The following ABLIM2 variants were observed in gnomAD, a reference collection of about 807,000 sequenced individuals.
The protein encoded by ABLIM2 is actin binding LIM protein family member 2.
Under a neutral mutation model 97.7 loss-of-function variants are expected in ABLIM2, and 53 were observed. That is an observed-to-expected ratio of 0.54 (90% CI 0.44 to 0.68). ABLIM2 has a LOEUF of 0.68. Among genes scored for constraint, ABLIM2 ranks in the 30% least tolerant of loss-of-function variants. The pLI is 0.00. For synonymous variants in ABLIM2, 361 were observed against 345.8 expected (o/e 1.04, Z -0.49); for missense variants, 835 against 867.2 (o/e 0.96, Z 0.47).
At chr4:8,107,481 G>C (rs3942364) in intron 1 of ABLIM2, among the ~76,000 whole-genome samples, 30,198 of 152,216 alleles carry the variant, frequency 0.2, 3,289 homozygotes, top group Non-Finnish European at 0.23. Flanking sequence ...TTGAGGAGGA[G>C]TTGGTAGATG....
chr4:8,093,186 A>T (rs1411910217), intron 3 of ABLIM2, among the ~76,000 whole-genome samples: 5 of 152,296 alleles, frequency 3.3e-5, no homozygotes, highest in Admixed American at 1.3e-4. Flanking sequence ...GGGTCTTATT[A>T]TTATTGAGTT....
chr4:8,119,475 G>A (rs985568344), intron 1 of ABLIM2, among the ~76,000 whole-genome samples: 1 of 151,846 alleles, frequency 6.6e-6, no homozygotes, highest in East Asian at 1.9e-4. Context: ...TTATAGGTGC[G>A]TGCCACCACA....
chr4:8,036,120 G>A (rs761669161), intron 10 of ABLIM2, 29 bp downstream of exon 10: 6 of 1,611,464 alleles, frequency 3.7e-6, no homozygotes, highest in Non-Finnish European at 4.2e-6. Flanking sequence ...GGACACAGGT[G>A]TCCAGGGCCA....
intron 2 of ABLIM2, among the ~76,000 whole-genome samples, chr4:8,099,675 C>T (rs1413041246): frequency 6.6e-6 from 1 of 152,134 alleles, no homozygotes; most frequent in Non-Finnish European, 1.5e-5. Flanking sequence ...GAAACCCCGT[C>T]TCTACTAAAA....
At position 8,061,139 on chromosome 4, in the gene ABLIM2, C is replaced by T. The variant is rs1802746360; in HGVS notation, c.676-85G>A. On this transcript the variant is annotated intron_variant, in intron 6 of 20. Transcript: ENST00000447017. The surrounding 1 kb of genome is among the most constrained non-coding windows in gnomAD (Gnocchi z 4.5). ...CAGCGCCCGGCATGGATACAGCATG[C>T]CCTGAGCACAGGTACTCAGGGGATA... 6 of 1,194,946 alleles carry T rather than the reference C, an allele frequency of 5.0e-6. No homozygotes were observed. The highest frequency in any genetic ancestry group is 4.0e-5 in the South Asian group (3 of 75,696). 74.0% of individuals were successfully genotyped at this position (1,194,946 alleles called of 1,614,324 possible). A position where few individuals can be genotyped will look rare whatever the true frequency, so the allele number is the denominator to read the frequency against.
intron 1 of ABLIM2, among the ~76,000 whole-genome samples, chr4:8,131,561 G>A (rs748314957): frequency 3.7e-4 from 56 of 152,116 alleles, no homozygotes; most frequent in Non-Finnish European, 7.2e-4. Context: ...GAGGACCCCC[G>A]ACCCCTCCCT....
chr4:8,071,657 T>C lies in ABLIM2; in HGVS notation c.675+5971A>G, dbSNP rs1812199389. 6.5e-5 allele frequency: 63 copies of C among 962,182 alleles called. 1 individual carries two copies. Among genetic ancestry groups the C allele is most frequent in the Non-Finnish European group, 7.5e-5 (61 of 808,876 alleles). The allele number at this position is 962,182 out of a possible 1,614,324, so 59.6% of individuals were successfully genotyped here. A position where few individuals can be genotyped will look rare whatever the true frequency, so the allele number is the denominator to read the frequency against. On this transcript the variant is annotated intron_variant, in intron 6 of 20. Coordinates refer to ENST00000447017, the MANE Select transcript of ABLIM2 (RefSeq NM_001130083.2). The surrounding 1 kb of genome is among the most constrained non-coding windows in gnomAD (Gnocchi z 6.2). Reference sequence around the variant, plus strand: ...AAACGGGGGTGGGGGAACAGGTGGCTCCGAGGTCTCACACCTGACTGCTCT... The same window carrying C: ...AAACGGGGGTGGGGGAACAGGTGGCCCCGAGGTCTCACACCTGACTGCTCT...
At chr4:7,995,247 T>C (rs534739987) in intron 16 of ABLIM2, among the ~76,000 whole-genome samples, 1 of 152,354 alleles carries the variant, frequency 6.6e-6, no homozygotes, top group East Asian at 1.9e-4. Context: ...TTAAAGAGCA[T>C]GGCTCACACC....
chr4:7,987,122 G>A (rs1276811274), intron 17 of ABLIM2, among the ~76,000 whole-genome samples: 5 of 152,106 alleles, frequency 3.3e-5, no homozygotes, highest in South Asian at 2.1e-4. Flanking sequence ...GACTACAGGC[G>A]CATGCCATCA....
rs767624543 is a variant in ABLIM2, at chr4:8,097,124, C to T, written c.313G>A (p.Asp105Asn). 5.1e-5 allele frequency: 82 copies of T among 1,610,478 alleles called. No individual in the cohort carries two copies. The highest frequency in any genetic ancestry group is 8.8e-5 in the South Asian group (8 of 90,570). ...CGGCAGACGGCACACACGAAGCAGT[C>T]GGGGTGGTAGGTCTTGCCCAGCGCC... ...VSALGKTYHPDCFVCAVCRLP... is the reference protein window; with the variant it reads ...VSALGKTYHPNCFVCAVCRLP... The change falls in exon 3 of 21, where the codon GAC (aspartate) becomes AAC (asparagine). Residue 105 changes from aspartate (D) to asparagine (N), a missense_variant. Coordinates refer to ENST00000447017, the MANE Select transcript of ABLIM2 (RefSeq NM_001130083.2).
In ABLIM2 at chr4:8,021,331, GT is replaced by G. The variant is rs1773566775; in HGVS notation, c.1268-1029del. Among the ~76,000 whole-genome samples, 1 of 152,152 alleles carries G rather than the reference GT, an allele frequency of 6.6e-6. No homozygotes were observed. Among genetic ancestry groups the G allele is most frequent in the Admixed American group, 6.6e-5 (1 of 15,264 alleles). The stretch of plus-strand genomic sequence containing the variant: ...GGGTGACGCCCCTCCCCCCACACCT[GT>G]TTGGGGAATGAGGTGACAGACAGAT... On this transcript the variant is annotated intron_variant, in intron 12 of 20. Coordinates refer to ENST00000447017, the MANE Select transcript of ABLIM2 (RefSeq NM_001130083.2). The surrounding 1 kb of genome is among the most constrained non-coding windows in gnomAD (Gnocchi z 5.5).
chr4:8,134,897 GT>G (rs1481176098), intron 1 of ABLIM2, among the ~76,000 whole-genome samples: 1 of 152,256 alleles, frequency 6.6e-6, no homozygotes, highest in East Asian at 1.9e-4. Context: ...AGACATACGT[GT>G]GAGAATTTTC....
chr4:8,151,606 G>A (rs1240720364), intron 1 of ABLIM2, among the ~76,000 whole-genome samples: 1 of 152,172 alleles, frequency 6.6e-6, no homozygotes, highest in Non-Finnish European at 1.5e-5. Flanking sequence ...ATGGCAGCCA[G>A]GCCTCACACC....
rs1418959010 is a variant in ABLIM2, at chr4:7,999,339, T to A, written c.1619-6412A>T. On this transcript the variant is annotated intron_variant, in intron 16 of 20. Transcript: ENST00000447017. The surrounding 1 kb of genome is among the most constrained non-coding windows in gnomAD (Gnocchi z 4.4). The stretch of plus-strand genomic sequence containing the variant: ...TCCAAAAATGCTGAGATTACAGGCG[T>A]GAGCCACTGCGCCCGGCCAAGAATC... Among the ~76,000 whole-genome samples the A allele has an allele frequency of 6.6e-6, 1 of 152,210 alleles. No homozygotes were observed. The highest frequency in any genetic ancestry group is 1.5e-5 in the Non-Finnish European group (1 of 68,030).
Position 8,046,519 on chromosome 4 carries a change from C to G in ABLIM2, c.823-1278G>C, listed in dbSNP as rs1232183274. Among the ~76,000 whole-genome samples, 1 of 152,196 alleles carries G rather than the reference C, an allele frequency of 6.6e-6. No individual in the cohort carries two copies. Among genetic ancestry groups the G allele is most frequent in the African/African-American group, 2.4e-5 (1 of 41,436 alleles). On this transcript the variant is annotated intron_variant, in intron 8 of 20. Transcript: ENST00000447017. The surrounding 1 kb of genome is among the most constrained non-coding windows in gnomAD (Gnocchi z 4.4). Reference sequence around the variant, plus strand: ...TCACTCTCCCCACGGCCCCCACGTCCTCTGCTGCTTCGATGGTTTCCCACC... The same window carrying G: ...TCACTCTCCCCACGGCCCCCACGTCGTCTGCTGCTTCGATGGTTTCCCACC...
In ABLIM2 at chr4:8,128,562, G is replaced by A. The variant is rs546920019; in HGVS notation, c.11-21925C>T. ...GATGTACTCCCAGGCTCTAAAACAC[G>A]AATGCACTAAACCTCCAGTGACCTT... On this transcript the variant is annotated intron_variant, in intron 1 of 20. Coordinates refer to ENST00000447017, the MANE Select transcript of ABLIM2 (RefSeq NM_001130083.2). This position sits in a 1 kb window ranked among gnomAD's most constrained non-coding sequence, Gnocchi z 4.9. Among the ~76,000 whole-genome samples the A allele has an allele frequency of 1.7e-4, 26 of 152,288 alleles. No individual in the cohort carries two copies. The highest frequency in any genetic ancestry group is 2.9e-4 in the Non-Finnish European group (20 of 68,018).
chr4:8,114,636 G>A (rs1001894917), intron 1 of ABLIM2, among the ~76,000 whole-genome samples: 5 of 152,154 alleles, frequency 3.3e-5, no homozygotes, highest in Non-Finnish European at 7.4e-5. Context: ...CTCTGGAGCC[G>A]GCCCCATTCT....
intron 8 of ABLIM2, 138 bp from the exon 9 acceptor site, chr4:8,045,379 G>A (rs937905322): frequency 7.7e-6 from 6 of 778,570 alleles, no homozygotes; most frequent in East Asian, 2.6e-5. Flanking sequence ...GGCCGGGCAC[G>A]GCGGCTCACG....
intron 6 of ABLIM2, among the ~76,000 whole-genome samples, chr4:8,066,356 G>A (rs866389720): frequency 1.3e-5 from 1 of 79,288 alleles, no homozygotes; most frequent in South Asian, 5.0e-4. Flanking sequence ...GAGGGAGGGA[G>A]GGAGGGAAGG....
Sources: allele counts gnomAD v4.1 joint callset (sites outside exome capture counted in the v4.1 genomes callset), GRCh38; gene constraint gnomAD v4.1.1; non-coding constraint Gnocchi (gnomAD v3.1); transcripts MANE v1.5; gene names NCBI Gene and HGNC (gene_info 2026-07-23, HGNC 2026-07-21).